Variants in LSR observed in about 807,000 individuals in gnomAD.
LSR encodes lipolysis-stimulated lipoprotein receptor.
Under a neutral mutation model 61.8 loss-of-function variants are expected in LSR, and 44 were observed. The observed-to-expected ratio is 0.71, with a 90% confidence interval of 0.56 to 0.91. LSR has a LOEUF of 0.91. Among genes scored for constraint, LSR ranks in the 40% least tolerant of loss-of-function variants. The pLI is 0.00. For synonymous variants in LSR, 397 were observed against 350.6 expected, an observed-to-expected ratio of 1.13 and a Z score of -1.48; for missense variants, 911 against 830.5, an observed-to-expected ratio of 1.10 and a Z score of -1.19.
intron 8 of LSR, 65 bp downstream of exon 8, chr19:35,267,032 C>A: frequency 6.4e-7 from 1 of 1,561,390 alleles, no homozygotes; most frequent in South Asian, 1.2e-5. Flanking sequence ...CTCCCTGATA[C>A]CTGCCGCAGG....
Position 35,267,752 on chromosome 19 carries a change from T to A in LSR, c.1770+18T>A, listed in dbSNP as rs2066044056. 6.2e-7 allele frequency: 1 copy of A among 1,611,010 alleles called. No individual in the cohort carries two copies. The highest frequency in any genetic ancestry group is 2.2e-5 in the East Asian group (1 of 44,768). Reference sequence around the variant, plus strand: ...TCAAGAAGGTGAGGGCCGCCCTCCCTGGCGTCCAGACCGTCCCTGGGCCCC... The same window carrying A: ...TCAAGAAGGTGAGGGCCGCCCTCCCAGGCGTCCAGACCGTCCCTGGGCCCC... On this transcript the variant is annotated intron_variant, in intron 9 of 9. Coordinates refer to ENST00000605618, the MANE Select transcript of LSR (RefSeq NM_205834.4).
At chr19:35,250,713 G>A in intron 2 of LSR, 54 bp downstream of exon 2, 1 of 1,416,030 alleles carries the variant, frequency 7.1e-7, no homozygotes, top group Non-Finnish European at 9.5e-7. Context: ...TGGTGGGACT[G>A]GCGTCCTTGT....
intron 2 of LSR, among the ~76,000 whole-genome samples, chr19:35,253,939 C>T (rs2065826050): frequency 6.6e-6 from 1 of 152,180 alleles, no homozygotes; most frequent in Admixed American, 6.5e-5. Context: ...TTTCAAACCA[C>T]CCCCACCTGG....
At chr19:35,251,960 A>G (rs1007543936) in intron 2 of LSR, among the ~76,000 whole-genome samples, 1 of 147,944 alleles carries the variant, frequency 6.8e-6, no homozygotes, top group Admixed American at 6.8e-5. Context: ...TCAGCCTCCC[A>G]AGTAGCTGGG....
At position 35,250,493 on chromosome 19, in the gene LSR, C is replaced by T. The variant is rs776010335; in HGVS notation, c.288C>T (p.Ser96=). The stretch of plus-strand genomic sequence containing the variant: ...TCGCCGATGCCTTCTCCCCGGCCAG[C>T]GTCGACAACCAGCTCAATGCCCAGC... ...DRIADAFSPA[S]VDNQLNAQLA... is the part of the protein sequence containing the mutation. Residue 96 remains serine (S), a synonymous_variant, in exon 2 of 10, where the codon AGC becomes AGT. Transcript: ENST00000605618. The T allele has an allele frequency of 6.2e-6, 10 of 1,613,942 alleles. No homozygotes were observed. Among genetic ancestry groups the T allele is most frequent in the Non-Finnish European group, 7.6e-6 (9 of 1,179,974 alleles).
chr19:35,250,624 A>G lies in LSR; in HGVS notation c.419A>G (p.Asp140Gly). ...TKQGNAVTLG[D>G]YYQGRRITIT... ...CAGGGCAACGCTGTGACCCTGGGAG[A>G]TTACTACCAGGGCCGGAGGATTACC... Residue 140 changes from aspartate to glycine, a missense_variant, in exon 2 of 10, where the codon GAT becomes GGT. Physicochemically the swap from Asp to Gly is moderately conservative, Grantham distance 94. Transcript: ENST00000605618. 1.3e-6 allele frequency: 2 copies of G among 1,587,130 alleles called. No homozygotes were observed. Among genetic ancestry groups the G allele is most frequent in the Non-Finnish European group, 1.7e-6 (2 of 1,161,132 alleles).
chr19:35,259,947 A>G (rs1382362759), intron 3 of LSR, among the ~76,000 whole-genome samples: 2 of 152,350 alleles, frequency 1.3e-5, no homozygotes, highest in East Asian at 1.9e-4. Context: ...CCCTGCTGTA[A>G]GCCAACACAT....
At chr19:35,262,418 A>G in intron 4 of LSR, 128 bp from the exon 5 acceptor site, 1 of 1,048,638 alleles carries the variant, frequency 9.5e-7, no homozygotes, top group Non-Finnish European at 1.4e-6. Context: ...CCAGGGCTGC[A>G]GGTTCCTTGG....
At chr19:35,258,260 A>G (rs2065879217) in intron 2 of LSR, among the ~76,000 whole-genome samples, 3 of 152,154 alleles carry the variant, frequency 2.0e-5, no homozygotes, top group Admixed American at 1.3e-4. Flanking sequence ...AACTTGGTCA[A>G]CATGGCGAAA....
At chr19:35,255,789 C>G (rs1420570084) in intron 2 of LSR, among the ~76,000 whole-genome samples, 1 of 152,144 alleles carries the variant, frequency 6.6e-6, no homozygotes, top group Non-Finnish European at 1.5e-5. Flanking sequence ...CTCCATACAG[C>G]TTATCTTTGT....
At chr19:35,256,249 AT>A (rs2065854996) in intron 2 of LSR, among the ~76,000 whole-genome samples, 1 of 151,276 alleles carries the variant, frequency 6.6e-6, no homozygotes, top group Non-Finnish European at 1.5e-5. Flanking sequence ...AAAAAAAAAA[AT>A]TAAGAGCTCA....
At chr19:35,265,279 G>T (rs187038485) in intron 5 of LSR, among the ~76,000 whole-genome samples, 183 of 152,244 alleles carry the variant, frequency 1.2e-3, no homozygotes, top group African/African-American at 4.4e-3. Context: ...ACTAAATGCT[G>T]GTCCCAATGC....
At chr19:35,263,911 A>G (rs1474730048) in intron 5 of LSR, 3 of 151,064 alleles carry the variant, frequency 2.0e-5, no homozygotes, top group East Asian at 2.0e-4. Context: ...GGTTTAAGCT[A>G]TTCTCCTGCC....
chr19:35,257,424 G>C (rs189024449), intron 2 of LSR, among the ~76,000 whole-genome samples: 17 of 152,312 alleles, frequency 1.1e-4, no homozygotes, highest in Non-Finnish European at 2.1e-4. Flanking sequence ...GGGACCATGG[G>C]ACTATGGGAC....
At position 35,259,065 on chromosome 19, in the gene LSR, G is replaced by A. The variant is rs1408448520; in HGVS notation, c.574+1G>A. On this transcript the variant is annotated splice_donor_variant, in intron 3 of 9. Transcript: ENST00000605618. LOFTEE classifies it high-confidence loss of function. ...GCCTACGCAGAGCTCATCGTCCTTG[G>A]TGAGTGGGCCTGGGAAGGGGGAGGC... 1 of 1,612,256 alleles carries A rather than the reference G, an allele frequency of 6.2e-7. No homozygotes were observed. The highest frequency in any genetic ancestry group is 8.5e-7 in the Non-Finnish European group (1 of 1,178,656).
rs762544308 is a variant in LSR at position 35,267,802 on chromosome 19, C to CTT, written c.1771-21_1771-20dup. The stretch of plus-strand genomic sequence containing the variant: ...CCAGCCGGTCCCCGCGGCTCATACC[C>CTT]TTCTTTCTTTCTCCCTTGCAGAACT... On this transcript the variant is annotated intron_variant, in intron 9 of 9. Coordinates refer to ENST00000605618, the MANE Select transcript of LSR (RefSeq NM_205834.4). 6.2e-6 allele frequency: 10 copies of CTT among 1,613,932 alleles called. No homozygotes were observed. The East Asian group carries it at 2.2e-4, about 36-fold the overall frequency.
chr19:35,256,830 G>A (rs1292119553), intron 2 of LSR, among the ~76,000 whole-genome samples: 4 of 151,672 alleles, frequency 2.6e-5, no homozygotes, highest in East Asian at 1.9e-4. Context: ...GAGGGGGTTC[G>A]TTTCCTTTTT....
Position 35,250,551 on chromosome 19 carries a change from G to A in LSR, c.346G>A (p.Val116Ile), listed in dbSNP as rs11558156. Reference protein sequence around the residue: ...AAGNPGYNPYVECQDSVRTVR... With the variant: ...AAGNPGYNPYIECQDSVRTVR... ...CGGGAACCCAGGCTACAACCCCTAC[G>A]TTGAGTGCCAGGACAGCGTGCGCAC... is the stretch of plus-strand genomic sequence containing the variant. The change falls in exon 2 of 10, where the codon GTT becomes ATT. Residue 116 changes from valine (V) to isoleucine (I), a missense_variant. Physicochemically the swap from Val to Ile is conservative, Grantham distance 29. Transcript: ENST00000605618. 4.6e-5 allele frequency: 75 copies of A among 1,614,060 alleles called. 1 individual carries two copies. In the East Asian group the frequency reaches 1.2e-3, roughly 26 times the overall value.
Position 35,250,678 on chromosome 19 carries a change from G to A in LSR, c.454+19G>A, listed in dbSNP as rs752788880. 6.6e-7 allele frequency: 1 copy of A among 1,525,580 alleles called. No homozygotes were observed. The highest frequency in any genetic ancestry group is 1.4e-5 in the African/African-American group (1 of 73,178). 94.5% of individuals were successfully genotyped at this position (1,525,580 alleles called of 1,614,324 possible). On this transcript the variant is annotated intron_variant, in intron 2 of 9. Coordinates refer to ENST00000605618, the MANE Select transcript of LSR (RefSeq NM_205834.4). Reference sequence around the variant, plus strand: ...ACCGGAAGTATGTTGGGCAGGGCAGGGGGATGAGGCTGGGCTTGCCCGGGT... The same window carrying A: ...ACCGGAAGTATGTTGGGCAGGGCAGAGGGATGAGGCTGGGCTTGCCCGGGT...
Sources: gnomAD v4.1 joint callset for allele counts (sites outside exome capture counted in the v4.1 genomes callset) on GRCh38, gnomAD v4.1.1 for gene constraint, MANE v1.5 for transcripts, NCBI Gene and HGNC (gene_info 2026-07-23, HGNC 2026-07-21) for gene names.